Variants in RBL1 observed in about 807,000 individuals in gnomAD.
RBL1 encodes the protein retinoblastoma-like protein 1.
RBL1 carries 82 observed loss-of-function variants against 123.0 expected under a neutral mutation model. That is an observed-to-expected ratio of 0.67 (90% CI 0.56 to 0.80). RBL1 has a LOEUF of 0.80. RBL1 is among the 30% of genes least tolerant of loss of function. RBL1 has a pLI of 0.00. For synonymous variants in RBL1, 405 were observed against 441.3 expected, an observed-to-expected ratio of 0.92 and a Z score of 1.03; for missense variants, 1,171 against 1,299.6, an observed-to-expected ratio of 0.90 and a Z score of 1.52.
intron 1 of RBL1, among the ~76,000 whole-genome samples, chr20:37,094,520 G>A (rs546939955): frequency 2.9e-4 from 44 of 152,284 alleles, no homozygotes; most frequent in African/African-American, 9.9e-4. Flanking sequence ...AGTCAGTGGT[G>A]CACCCTGGGA....
chr20:37,045,804 A>T (rs995843549), intron 12 of RBL1, among the ~76,000 whole-genome samples: 1 of 152,158 alleles, frequency 6.6e-6, no homozygotes, highest in African/African-American at 2.4e-5. Flanking sequence ...TAAGCTTTCC[A>T]ATGACCTGCA....
At chr20:37,067,766 C>CAAAAAAAAAAA (rs1168742059) in intron 3 of RBL1, among the ~76,000 whole-genome samples, 1 of 62,686 alleles carries the variant, frequency 1.6e-5, no homozygotes, top group Non-Finnish European at 3.0e-5. Context: ...TGAGACTCCT[C>CAAAAAAAAAAA]AAAAAAAAAA....
intron 2 of RBL1, among the ~76,000 whole-genome samples, chr20:37,074,433 A>AT (rs1568883713): frequency 1.3e-5 from 2 of 150,416 alleles, no homozygotes; most frequent in Non-Finnish European, 3.0e-5. Context: ...AAAAAAAAAA[A>AT]TTTAAGAGAG....
At chr20:37,066,022 T>C (rs964122146) in intron 6 of RBL1, among the ~76,000 whole-genome samples, 1 of 152,170 alleles carries the variant, frequency 6.6e-6, no homozygotes, top group African/African-American at 2.4e-5. Context: ...AAAATTTGTA[T>C]AAAAGAAGAA....
At chr20:37,007,713 C>T (rs1417515057) in intron 19 of RBL1, among the ~76,000 whole-genome samples, 154 bp from the exon 20 acceptor site, 1 of 152,170 alleles carries the variant, frequency 6.6e-6, no homozygotes, top group African/African-American at 2.4e-5. Context: ...CCATCTCAGC[C>T]TCCTGAGTAG....
chr20:37,031,642 C>A lies in RBL1; in HGVS notation c.2382+1023G>T, dbSNP rs114756914. Among the ~76,000 whole-genome samples, 267 of 152,338 alleles carry A rather than the reference C, an allele frequency of 1.8e-3. 1 individual carries two copies. The highest frequency in any genetic ancestry group is 6.2e-3 in the African/African-American group (258 of 41,582). ...GGTCCACCCACTGTGGAAAATGGTA[C>A]GGTGGTTCCTCAGAAAATGAAATAC... On this transcript the variant is annotated intron_variant, in intron 16 of 21. Coordinates refer to ENST00000373664, the MANE Select transcript of RBL1 (RefSeq NM_002895.5).
chr20:37,085,147 T>C (rs983200074), intron 2 of RBL1, among the ~76,000 whole-genome samples: 6 of 150,818 alleles, frequency 4.0e-5, no homozygotes, highest in African/African-American at 1.5e-4. Context: ...TTTTTTTTTT[T>C]TGAGATGGAG....
intron 19 of RBL1, among the ~76,000 whole-genome samples, chr20:37,010,328 G>T (rs6130318): frequency 0.14 from 21,063 of 152,096 alleles, 2,176 homozygotes; most frequent in East Asian, 0.48. Context: ...CAATAAATTT[G>T]ATATTGCTTA....
At chr20:37,053,377 A>T (rs1026022910) in intron 11 of RBL1, among the ~76,000 whole-genome samples, 4 of 152,160 alleles carry the variant, frequency 2.6e-5, no homozygotes, top group Non-Finnish European at 5.9e-5. Flanking sequence ...TTCTTCTTAC[A>T]TTCCAAAGAT....
At chr20:37,033,014 A>AATT in intron 15 of RBL1, 138 bp from the exon 16 acceptor site, 5 of 1,227,658 alleles carry the variant, frequency 4.1e-6, no homozygotes, top group Non-Finnish European at 5.3e-6. Flanking sequence ...GTTATGACTG[A>AATT]ATTCTTTTTT....
chr20:37,043,391 G>A (rs1299698323), intron 13 of RBL1, among the ~76,000 whole-genome samples: 3 of 151,548 alleles, frequency 2.0e-5, no homozygotes, highest in Non-Finnish European at 4.4e-5. Flanking sequence ...TACACGGGAG[G>A]CTGAGACAGA....
chr20:37,026,472 A>G (rs112185991), intron 16 of RBL1, among the ~76,000 whole-genome samples: 1,877 of 150,772 alleles, frequency 0.012, 44 homozygotes, highest in African/African-American at 0.043. Flanking sequence ...TTGAGAGGCC[A>G]AGACGGGTGG....
intron 1 of RBL1, among the ~76,000 whole-genome samples, chr20:37,094,087 CA>C (rs1347920349): frequency 1.3e-5 from 2 of 152,108 alleles, no homozygotes; most frequent in African/African-American, 4.8e-5. Context: ...ATATTCCAGG[CA>C]GAGGGAATGG....
chr20:37,035,214 G>C, intron 15 of RBL1, 28 bp downstream of exon 15: 1 of 1,565,754 alleles, frequency 6.4e-7, no homozygotes, highest in Non-Finnish European at 8.7e-7. Flanking sequence ...CTCAGAAAAA[G>C]TACAAAACAA....
chr20:37,095,707 A>G, intron 1 of RBL1, 66 bp downstream of exon 1: 1 of 1,419,550 alleles, frequency 7.0e-7, no homozygotes, highest in East Asian at 2.4e-5. Context: ...TAGGCCGAGG[A>G]AGGGGCGGGG....
chr20:37,070,274 T>C (rs1001719891), intron 2 of RBL1, among the ~76,000 whole-genome samples: 1 of 152,122 alleles, frequency 6.6e-6, no homozygotes, highest in Admixed American at 6.6e-5. Context: ...GAAGGCAGCA[T>C]GCTCCTTAAG....
intron 21 of RBL1, among the ~76,000 whole-genome samples, chr20:36,999,655 C>G (rs2063933966): frequency 6.6e-6 from 1 of 152,196 alleles, no homozygotes; most frequent in Non-Finnish European, 1.5e-5. Flanking sequence ...CCACGCCTGA[C>G]TGGTTTTCGT....
Position 37,095,964 on chromosome 20 carries a change from C to A in RBL1, c.-36G>T. ...CCCGCGGGCTGCGCGCCACGGCCCC[C>A]GACTTCTTTCTCCCTCCCAGGCGCG... is the stretch of plus-strand genomic sequence containing the variant. On this transcript the variant is annotated 5_prime_UTR_variant, in exon 1 of 22. Coordinates refer to ENST00000373664, the MANE Select transcript of RBL1 (RefSeq NM_002895.5). The A allele has an allele frequency of 1.4e-6, 2 of 1,454,784 alleles. No individual in the cohort carries two copies. Among genetic ancestry groups the A allele is most frequent in the Non-Finnish European group, 1.8e-6 (2 of 1,093,440 alleles). The allele number at this position is 1,454,784 out of a possible 1,614,324, so 90.1% of individuals were successfully genotyped here. A position where few individuals can be genotyped will look rare whatever the true frequency, so the allele number is the denominator to read the frequency against.
In RBL1 at chr20:37,007,556, A is replaced by G. The variant is rs563462218; in HGVS notation, c.2726T>C (p.Leu909Ser). The change falls in exon 20 of 22, where the codon TTA (leucine) becomes TCA (serine). Residue 909 changes from leucine (L) to serine (S), a missense_variant. Physicochemically the swap from Leu to Ser is moderately radical, Grantham distance 145. Coordinates refer to ENST00000373664, the MANE Select transcript of RBL1 (RefSeq NM_002895.5). The stretch of plus-strand genomic sequence containing the variant: ...GTCAGGTGTTTTTGTAGCATCTTCT[A>G]AGTCTGTTAAAAAGAATGCAATGTT... Reference protein sequence around the residue: ...NDDFEMIDCDLEDATKTPDCS... With the variant: ...NDDFEMIDCDSEDATKTPDCS... 72 of 1,611,440 alleles carry G rather than the reference A, an allele frequency of 4.5e-5. No homozygotes were observed. In the South Asian group the frequency reaches 7.3e-4, roughly 16 times the overall value.
Sources: allele counts gnomAD v4.1 joint callset (sites outside exome capture counted in the v4.1 genomes callset), GRCh38; gene constraint gnomAD v4.1.1; transcripts MANE v1.5; gene names NCBI Gene and HGNC (gene_info 2026-07-23, HGNC 2026-07-21).